ARID1A: variants seen among roughly 807,000 people sequenced by gnomAD.
ARID1A encodes AT-rich interactive domain-containing protein 1A.
ARID1A carries 20 observed loss-of-function variants against 212.6 expected under a neutral mutation model. That is an observed-to-expected ratio of 0.09 (90% CI 0.07 to 0.14). The LOEUF is 0.14. ARID1A is among the 10% of genes least tolerant of loss of function. ARID1A has a pLI of 1.00. For missense variants in ARID1A, 2,587 were observed against 3,059.0 expected (o/e 0.85, Z 3.64); for synonymous variants, 1,376 against 1,222.1 (o/e 1.13, Z -2.63).
chr1:26,717,160 A>T (rs1044085850), intron 1 of ARID1A, among the ~76,000 whole-genome samples: 3 of 152,234 alleles, frequency 2.0e-5, no homozygotes, highest in African/African-American at 4.8e-5. Flanking sequence ...ACAGACTGAA[A>T]GTAGGTGGTG....
chr1:26,762,050 C>T, intron 6 of ARID1A, 102 bp from the exon 7 acceptor site: 1 of 1,314,020 alleles, frequency 7.6e-7, no homozygotes, highest in Non-Finnish European at 1.0e-6. Flanking sequence ...ATGCAAGTGG[C>T]TGCTAAAGAA....
At chr1:26,764,759 T>G (rs1282056102) in intron 8 of ARID1A, 2 of 152,158 alleles carry the variant, frequency 1.3e-5, no homozygotes, top group Non-Finnish European at 2.9e-5. Flanking sequence ...CAAAAAGTGG[T>G]ACAGTTCAGC....
chr1:26,767,341 T>A (rs2081048249), intron 10 of ARID1A, among the ~76,000 whole-genome samples: 1 of 152,198 alleles, frequency 6.6e-6, no homozygotes, highest in East Asian at 1.9e-4. Flanking sequence ...CAAGATCATG[T>A]TGTGAGTTTT....
chr1:26,709,214 C>T (rs2080425248), intron 1 of ARID1A, among the ~76,000 whole-genome samples: 1 of 152,128 alleles, frequency 6.6e-6, no homozygotes, highest in African/African-American at 2.4e-5. Flanking sequence ...TGTGAAAGTA[C>T]TATTCGTTTA....
rs2124788156 is a variant in ARID1A at position 26,731,221 on chromosome 1, C to G, written c.1420C>G (p.Gln474Glu). ...QQGQTPYYNQ[Q>E]SPHPQQQQPP... Reference sequence around the variant, plus strand: ...GGGCCAGACTCCATATTACAACCAGCAAAGTCCTCACCCTCAGCAGCAGCA... The same window carrying G: ...GGGCCAGACTCCATATTACAACCAGGAAAGTCCTCACCCTCAGCAGCAGCA... The change falls in exon 3 of 20, where the codon CAA (glutamine) becomes GAA (glutamate). Residue 474 changes from glutamine (Q) to glutamate (E), a missense_variant. By Grantham distance (29) the Gln-to-Glu change is conservative. Around this residue, in one of 11 missense-constraint regions of ARID1A, gnomAD observed 674 missense variants for 813.4 expected, o/e 0.83. Transcript: ENST00000324856. The G allele has an allele frequency of 2.5e-6, 4 of 1,614,076 alleles. No individual in the cohort carries two copies. The highest frequency in any genetic ancestry group is 3.4e-6 in the Non-Finnish European group (4 of 1,180,008).
chr1:26,741,165 C>T (rs1056819904), intron 4 of ARID1A, among the ~76,000 whole-genome samples: 4 of 152,080 alleles, frequency 2.6e-5, no homozygotes, highest in African/African-American at 9.7e-5. Context: ...GAGCTCTGGA[C>T]GATGCCGGAG....
chr1:26,734,855 C>T (rs2080714206), intron 4 of ARID1A, among the ~76,000 whole-genome samples: 1 of 152,142 alleles, frequency 6.6e-6, no homozygotes, highest in African/African-American at 2.4e-5. Context: ...TTATGAGGTA[C>T]CTATTGGCAC....
intron 1 of ARID1A, among the ~76,000 whole-genome samples, chr1:26,719,215 T>G (rs1167128781): frequency 1.3e-5 from 2 of 152,200 alleles, no homozygotes; most frequent in East Asian, 3.8e-4. Context: ...AAATTTATAT[T>G]CTAGTCAAGG....
rs1009758442 is a variant in ARID1A, at chr1:26,697,303, G to A, written c.900G>A (p.Thr300=). The A allele has an allele frequency of 7.4e-7, 1 of 1,352,212 alleles. No individual in the cohort carries two copies. Among genetic ancestry groups the A allele is most frequent in the Non-Finnish European group, 9.5e-7 (1 of 1,058,072 alleles). The allele number at this position is 1,352,212 out of a possible 1,614,324, so 83.8% of individuals were successfully genotyped here. The change falls in exon 1 of 20, where the codon ACG becomes ACA. Residue 300 remains threonine, a synonymous_variant. Coordinates refer to ENST00000324856, the MANE Select transcript of ARID1A (RefSeq NM_006015.6). ...TATPTLNQLL[T]SPSSARGYQG... is the part of the protein sequence containing the mutation. ...CCCCCACCCTCAACCAACTGCTCAC[G>A]TCGCCCAGCTCGGCCCGGGGCTACC...
chr1:26,747,131 C>G (rs865862258), intron 4 of ARID1A, among the ~76,000 whole-genome samples: 1 of 152,154 alleles, frequency 6.6e-6, no homozygotes, highest in Non-Finnish European at 1.5e-5. Flanking sequence ...TTTGTGTCTA[C>G]GACATACTAG....
intron 1 of ARID1A, among the ~76,000 whole-genome samples, chr1:26,701,866 C>T (rs769068043): frequency 3.3e-5 from 5 of 152,186 alleles, no homozygotes; most frequent in Admixed American, 3.3e-4. Context: ...ATCTGTTTGT[C>T]ATTAGTCATT....
At position 26,710,494 on chromosome 1, in the gene ARID1A, T is replaced by TAC. The variant is rs61663540; in HGVS notation, c.1137+12987_1137+12988dup. Among the ~76,000 whole-genome samples the TAC allele has an allele frequency of 2.4e-3, 314 of 131,516 alleles. 5 individuals carry two copies. The highest frequency in any genetic ancestry group is 7.0e-3 in the African/African-American group (228 of 32,764). The allele number at this position is 131,516 out of a possible 152,430, so 86.3% of individuals were successfully genotyped here. On this transcript the variant is annotated intron_variant, in intron 1 of 19. Coordinates refer to ENST00000324856, the MANE Select transcript of ARID1A (RefSeq NM_006015.6). ...CCATCTCAAAAAATAAAATAATACA[T>TAC]ACACACACACACACACACACACACA...
rs2124150011 is a variant in ARID1A, at chr1:26,780,417, C to T, written c.6519C>T (p.Asn2173=). 6.2e-7 allele frequency: 1 copy of T among 1,614,250 alleles called. No individual in the cohort carries two copies. The highest frequency in any genetic ancestry group is 8.5e-7 in the Non-Finnish European group (1 of 1,180,038). ...CREMAVVLLA[N]LAQGDSLAAR... ...AGATGGCTGTGGTACTGCTGGCCAACCTGGCTCAGGGGGACAGCCTGGCAG... is the reference window on the plus strand; with the variant it reads ...AGATGGCTGTGGTACTGCTGGCCAATCTGGCTCAGGGGGACAGCCTGGCAG... The change falls in exon 20 of 20, where the codon AAC becomes AAT. Residue 2173 remains asparagine, a synonymous_variant. Transcript: ENST00000324856. This position sits in a 1 kb window ranked among gnomAD's most constrained non-coding sequence, Gnocchi z 7.2.
Position 26,780,348 on chromosome 1 carries a change from T to A in ARID1A, c.6450T>A (p.Thr2150=), listed in dbSNP as rs2124149229. ...PFSRLEKLYS[T]MVRFLSDRKN... is the part of the protein sequence containing the mutation. ...GCCGCCTGGAGAAGTTGTATAGCAC[T>A]ATGGTGCGCTTCCTCAGTGACCGAA... Residue 2150 remains threonine, a synonymous_variant, in exon 20 of 20, where the codon ACT becomes ACA. Transcript: ENST00000324856. The surrounding 1 kb of genome is among the most constrained non-coding windows in gnomAD (Gnocchi z 7.2). 1 of 1,614,198 alleles carries A rather than the reference T, an allele frequency of 6.2e-7. No individual in the cohort carries two copies.
chr1:26,781,344 T>C lies in ARID1A; in HGVS notation c.*588T>C, dbSNP rs1040674568. The C allele has an allele frequency of 8.6e-6, 2 of 233,536 alleles. No homozygotes were observed. Among genetic ancestry groups the C allele is most frequent in the Non-Finnish European group, 1.7e-5 (2 of 118,092 alleles). 14.5% of individuals were successfully genotyped at this position (233,536 alleles called of 1,614,324 possible). A position where few individuals can be genotyped will look rare whatever the true frequency, so the allele number is the denominator to read the frequency against. On this transcript the variant is annotated 3_prime_UTR_variant, in exon 20 of 20. Transcript: ENST00000324856. ...GTGTAGACCCTTTCATGTACTGTAC[T>C]GTACACCTGATACTGTAAACATACT...
In ARID1A at chr1:26,762,368, A is replaced by C. The variant is rs1049508776; in HGVS notation, c.2419+49A>C. On this transcript the variant is annotated intron_variant, in intron 7 of 19. Coordinates refer to ENST00000324856, the MANE Select transcript of ARID1A (RefSeq NM_006015.6). ...GTAGATACGGGTGAGAGGAGAAAAC[A>C]GTTCCTTGTCTGATATGTTGCCATC... The C allele has an allele frequency of 1.9e-6, 3 of 1,573,310 alleles. No individual in the cohort carries two copies. The African/African-American group carries it at 4.1e-5, about 21-fold the overall frequency.
chr1:26,759,603 G>A (rs963371329), intron 4 of ARID1A, among the ~76,000 whole-genome samples: 3 of 152,176 alleles, frequency 2.0e-5, no homozygotes, highest in African/African-American at 7.2e-5. Context: ...CTGAAGTAAT[G>A]TTGCTAGAGA....
At chr1:26,709,053 A>G (rs1253162494) in intron 1 of ARID1A, among the ~76,000 whole-genome samples, 1 of 152,142 alleles carries the variant, frequency 6.6e-6, no homozygotes, top group Non-Finnish European at 1.5e-5. Context: ...AGTGCCACAT[A>G]CAAAGTTTCA....
At chr1:26,721,311 A>C (rs1350760124) in intron 1 of ARID1A, among the ~76,000 whole-genome samples, 1 of 152,138 alleles carries the variant, frequency 6.6e-6, no homozygotes, top group African/African-American at 2.4e-5. Context: ...TCCCAGGTTC[A>C]AGTGATTCTC....
Sources: gnomAD v4.1 joint callset for allele counts (sites outside exome capture counted in the v4.1 genomes callset) on GRCh38, gnomAD v4.1.1 for gene constraint, gnomAD v4.1.1 regional missense constraint, Gnocchi (gnomAD v3.1) non-coding constraint, MANE v1.5 for transcripts, NCBI Gene and HGNC (gene_info 2026-07-23, HGNC 2026-07-21) for gene names.